CHURC1: variants seen among roughly 807,000 people sequenced by gnomAD.
The protein encoded by CHURC1 is churchill domain containing 1.
Under a neutral mutation model 15.4 loss-of-function variants are expected in CHURC1, and 12 were observed. The observed-to-expected ratio is 0.78, with a 90% CI of 0.50 to 1.27. The LOEUF is 1.27. Ranked by LOEUF, CHURC1 falls within the 50% of genes most tolerant of loss-of-function variation. The probability of loss-of-function intolerance (pLI) is 0.00; values close to 1 mark genes in which losing one functional copy is unlikely to be tolerated. For missense variants in CHURC1, 132 were observed against 137.8 expected, an observed-to-expected ratio of 0.96 and a Z score of 0.21; for synonymous variants, 42 against 47.5, an observed-to-expected ratio of 0.88 and a Z score of 0.48.
chr14:64,928,956 C>G (rs1375814384), intron 3 of CHURC1, among the ~76,000 whole-genome samples: 1 of 151,964 alleles, frequency 6.6e-6, no homozygotes, highest in Non-Finnish European at 1.5e-5. Context: ...TATTAGATAC[C>G]TTTCTCATTT....
chr14:64,927,056 G>A (rs971347058), intron 3 of CHURC1, among the ~76,000 whole-genome samples: 5 of 152,120 alleles, frequency 3.3e-5, no homozygotes, highest in Non-Finnish European at 5.9e-5. Context: ...TTTAACAGCC[G>A]AGAGAATTTT....
chr14:64,926,460 T>C (rs1884706984), intron 3 of CHURC1, among the ~76,000 whole-genome samples: 2 of 152,204 alleles, frequency 1.3e-5, no homozygotes, highest in Non-Finnish European at 1.5e-5. Context: ...ACAAATGATA[T>C]CTCAGCCCTG....
intron 1 of CHURC1, among the ~76,000 whole-genome samples, chr14:64,922,555 G>T (rs1393264196): frequency 1.4e-5 from 2 of 144,982 alleles, no homozygotes; most frequent in East Asian, 2.0e-4. Flanking sequence ...TTCAGCCTGG[G>T]TGACAGAGCG....
At chr14:64,924,442 A>G (rs1884542865) in intron 2 of CHURC1, 1 of 175,790 alleles carries the variant, frequency 5.7e-6, no homozygotes, top group South Asian at 1.4e-4. Flanking sequence ...TATTATTGTT[A>G]TTATTGTGAC....
rs1885201037 is a variant in CHURC1 at position 64,933,733 on chromosome 14, G to A, written c.*1503G>A. ...CAAAAGTGTTTCTTCATATCTAGGA[G>A]ATTTGGAAATTCTGAACTAAGGTCT... On this transcript the variant is annotated 3_prime_UTR_variant, in exon 4 of 4. Transcript: ENST00000549115. 1.0e-6 allele frequency: 1 copy of A among 985,298 alleles called. No individual in the cohort carries two copies. Among genetic ancestry groups the A allele is most frequent in the East Asian group, 1.1e-4 (1 of 8,834 alleles). The allele number at this position is 985,298 out of a possible 1,614,324, so 61.0% of individuals were successfully genotyped here.
intron 3 of CHURC1, among the ~76,000 whole-genome samples, chr14:64,929,834 A>G (rs185160800): frequency 3.0e-4 from 46 of 152,286 alleles, no homozygotes; most frequent in African/African-American, 1.1e-3. Flanking sequence ...TTCTGATGGC[A>G]AGACTAGGGA....
At position 64,935,205 on chromosome 14, in the gene CHURC1, G is replaced by A; in HGVS notation, c.*2975G>A. On this transcript the variant is annotated 3_prime_UTR_variant, in exon 4 of 4. Transcript: ENST00000549115. ...GTTGTGGGGTGAGGGGAGGGGTGAGGGATAGCATTAGGAGATATACCTGAT... is the reference window on the plus strand; with the variant it reads ...GTTGTGGGGTGAGGGGAGGGGTGAGAGATAGCATTAGGAGATATACCTGAT... The A allele has an allele frequency of 4.2e-6, 1 of 240,766 alleles. No homozygotes were observed. Among genetic ancestry groups the A allele is most frequent in the Non-Finnish European group, 6.7e-6 (1 of 149,552 alleles). The allele number at this position is 240,766 out of a possible 1,614,324, so 14.9% of individuals were successfully genotyped here.
At chr14:64,926,302 C>T (rs1385973161) in intron 3 of CHURC1, among the ~76,000 whole-genome samples, 2 of 150,586 alleles carry the variant, frequency 1.3e-5, no homozygotes, top group African/African-American at 4.9e-5. Flanking sequence ...CCACCTCGGC[C>T]TCCAAAGTGT....
intron 1 of CHURC1, among the ~76,000 whole-genome samples, chr14:64,923,056 T>G (rs1384789376): frequency 1.3e-5 from 2 of 152,178 alleles, no homozygotes; most frequent in African/African-American, 4.8e-5. Context: ...TTAAAAATAC[T>G]CTTTAAGTGT....
Position 64,932,181 on chromosome 14 carries a change from CTA to C in CHURC1, c.292_293del (p.Ile98GlnfsTer5), listed in dbSNP as rs1486865955. On this transcript the variant is annotated frameshift_variant, in exon 4 of 4. Coordinates refer to ENST00000549115, the MANE Select transcript of CHURC1 (RefSeq NM_001386928.1). LOFTEE classifies it high-confidence loss of function. ...CTGTTATGCGGCAAAGCCGAAGATACTATCAGTATTCTCCCTGATGACCCCCG... is the reference window on the plus strand; with the variant it reads ...CTGTTATGCGGCAAAGCCGAAGATACTCAGTATTCTCCCTGATGACCCCCG... The C allele has an allele frequency of 6.2e-7, 1 of 1,613,882 alleles. No homozygotes were observed. The highest frequency in any genetic ancestry group is 8.5e-7 in the Non-Finnish European group (1 of 1,179,890).
At position 64,927,725 on chromosome 14, in the gene CHURC1, C is replaced by T. The variant is rs995854395; in HGVS notation, c.246+1645C>T. ...GTCTACTTCTCCCCCCACCCCCCCC[C>T]CCGCCGTCAATTCATACTCCATACT... On this transcript the variant is annotated intron_variant, in intron 3 of 3. Coordinates refer to ENST00000549115, the MANE Select transcript of CHURC1 (RefSeq NM_001386928.1). Among the ~76,000 whole-genome samples, 655 of 109,458 alleles carry T rather than the reference C, an allele frequency of 6.0e-3. 21 individuals are homozygous for T. The highest frequency in any genetic ancestry group is 0.022 in the African/African-American group (598 of 27,386). The allele number at this position is 109,458 out of a possible 152,430, so 71.8% of individuals were successfully genotyped here.
chr14:64,925,423 A>G (rs1476327368), intron 2 of CHURC1, among the ~76,000 whole-genome samples: 1 of 152,154 alleles, frequency 6.6e-6, no homozygotes, highest in East Asian at 1.9e-4. Flanking sequence ...CTATAATCCT[A>G]GGACTTTAGG....
At chr14:64,931,044 C>G (rs1318064882) in intron 3 of CHURC1, 1 of 262,652 alleles carries the variant, frequency 3.8e-6, no homozygotes, top group Non-Finnish European at 7.6e-6. Context: ...CTGTCTAAAC[C>G]TAAGAAACAC....
At chr14:64,916,909 T>A (rs750157219) in intron 1 of CHURC1, among the ~76,000 whole-genome samples, 1 of 152,200 alleles carries the variant, frequency 6.6e-6, no homozygotes, top group Non-Finnish European at 1.5e-5. Context: ...GGAGTTATTG[T>A]AAAACTTAAA....
intron 1 of CHURC1, among the ~76,000 whole-genome samples, chr14:64,918,360 A>G (rs2139880223): frequency 6.6e-6 from 1 of 152,350 alleles, no homozygotes; most frequent in Non-Finnish European, 1.5e-5. Context: ...GTAACTCTTA[A>G]AGGAATTAAG....
In CHURC1 at chr14:64,933,796, T is replaced by C. The variant is rs907160672; in HGVS notation, c.*1566T>C. The C allele has an allele frequency of 1.0e-6, 1 of 985,342 alleles. No individual in the cohort carries two copies. The highest frequency in any genetic ancestry group is 1.2e-6 in the Non-Finnish European group (1 of 829,946). 61.0% of individuals were successfully genotyped at this position (985,342 alleles called of 1,614,324 possible). Reference sequence around the variant, plus strand: ...AAATGAGCAAAGTGTTCATTGTAGATACTAGGGAAAAGCTTTGTTGAATAA... The same window carrying C: ...AAATGAGCAAAGTGTTCATTGTAGACACTAGGGAAAAGCTTTGTTGAATAA... On this transcript the variant is annotated 3_prime_UTR_variant, in exon 4 of 4. Transcript: ENST00000549115.
intron 3 of CHURC1, among the ~76,000 whole-genome samples, chr14:64,930,282 C>A (rs1177851217): frequency 6.6e-6 from 1 of 152,072 alleles, no homozygotes; most frequent in African/African-American, 2.4e-5. Context: ...TAAAAGGTGT[C>A]CTAATCTCAT....
rs1883713282 is a variant in CHURC1 at position 64,914,465 on chromosome 14, T to C, written c.-31T>C. 2.5e-6 allele frequency: 4 copies of C among 1,614,232 alleles called. No individual in the cohort carries two copies. The highest frequency in any genetic ancestry group is 2.5e-6 in the Non-Finnish European group (3 of 1,180,028). On this transcript the variant is annotated 5_prime_UTR_variant, in exon 1 of 4. Coordinates refer to ENST00000549115, the MANE Select transcript of CHURC1 (RefSeq NM_001386928.1). ...GCGAGGTTTCGTCTTCCCGGAAGCG[T>C]TGGAGGACATTCCCTGTTGACTGCG...
At chr14:64,925,869 T>A (rs1185356049) in intron 2 of CHURC1, 141 bp from the exon 3 acceptor site, 1 of 486,646 alleles carries the variant, frequency 2.1e-6, no homozygotes, top group African/African-American at 2.0e-5. Flanking sequence ...TCAAGGTAGA[T>A]ACTATAATGG....
Sources: gnomAD v4.1 joint callset for allele counts (sites outside exome capture counted in the v4.1 genomes callset) on GRCh38, gnomAD v4.1.1 for gene constraint, MANE v1.5 for transcripts, NCBI Gene and HGNC (gene_info 2026-07-23, HGNC 2026-07-21) for gene names.